The following DNAH7 variants were observed in gnomAD, a reference collection of about 807,000 sequenced individuals.
DNAH7 encodes the protein dynein axonemal heavy chain 7.
Under a neutral mutation model 444.6 loss-of-function variants are expected in DNAH7, and 397 were observed. The ratio of observed to expected loss-of-function variants is 0.89; its 90% confidence interval spans 0.82 to 0.97. DNAH7 has a LOEUF of 0.97. Among genes scored for constraint, DNAH7 ranks in the 50% least tolerant of loss-of-function variants. The probability of loss-of-function intolerance (pLI) is 0.00; values close to 1 mark genes in which losing one functional copy is unlikely to be tolerated. For missense variants in DNAH7, 4,902 were observed against 4,800.8 expected (o/e 1.02, Z -0.62); for synonymous variants, 1,636 against 1,624.4 (o/e 1.01, Z -0.17).
chr2:195,888,482 T>C, intron 32 of DNAH7, 48 bp from the exon 33 acceptor site: 1 of 1,520,872 alleles, frequency 6.6e-7, no homozygotes, highest in Non-Finnish European at 8.8e-7. Context: ...GCTTATAAAA[T>C]AAATATGATT....
At position 195,872,315 on chromosome 2, in the gene DNAH7, C is replaced by A. The variant is rs779832706; in HGVS notation, c.6568G>T (p.Val2190Phe). 6.2e-7 allele frequency: 1 copy of A among 1,613,778 alleles called. No individual in the cohort carries two copies. Among genetic ancestry groups the A allele is most frequent in the South Asian group, 1.1e-5 (1 of 91,084 alleles). Reference sequence around the variant, plus strand: ...GTTGTTTCTGGTCTTGACAAACAAACACCTTGAATGACACGGGAGAAATCA... The same window carrying A: ...GTTGTTTCTGGTCTTGACAAACAAAAACCTTGAATGACACGGGAGAAATCA... ...LRDFSRVIQG[V>F]CLSRPETTET... is the part of the protein sequence containing the mutation. Residue 2190 changes from valine to phenylalanine, a missense_variant, in exon 40 of 65, where the codon GTT becomes TTT. Physicochemically the swap from Val to Phe is conservative, Grantham distance 50. Coordinates refer to ENST00000312428, the MANE Select transcript of DNAH7 (RefSeq NM_018897.3).
chr2:195,820,295 G>T lies in DNAH7; in HGVS notation c.9292-2466C>A, dbSNP rs975669822. ...GGACATCACACACTGGGGCCTGTTG[G>T]GGGGTATGAGGCAAGGGGAGGGAGA... On this transcript the variant is annotated intron_variant, in intron 49 of 64. Transcript: ENST00000312428. Among the ~76,000 whole-genome samples the T allele has an allele frequency of 4.6e-5, 7 of 151,730 alleles. No homozygotes were observed. In the East Asian group the frequency reaches 1.2e-3, roughly 25 times the overall value.
chr2:195,952,344 C>CCT (rs1690317927), intron 19 of DNAH7, among the ~76,000 whole-genome samples: 1 of 152,164 alleles, frequency 6.6e-6, no homozygotes, highest in African/African-American at 2.4e-5. Context: ...CCCGACCTTT[C>CCT]TGGCTGCCCT....
chr2:195,860,285 C>G (rs1272274694), intron 42 of DNAH7, among the ~76,000 whole-genome samples: 1 of 151,932 alleles, frequency 6.6e-6, no homozygotes, highest in Non-Finnish European at 1.5e-5. Flanking sequence ...CAGAGTCAAA[C>G]AAAAGCCATG....
Position 195,740,886 on chromosome 2 carries a change from C to A in DNAH7, c.11765-17G>T. On this transcript the variant is annotated splice_polypyrimidine_tract_variant and intron_variant, in intron 63 of 64. Coordinates refer to ENST00000312428, the MANE Select transcript of DNAH7 (RefSeq NM_018897.3). ...TGAAAACACCTAAATATAAAAGAAA[C>A]ACATTAATATAACACTTGAAATATG... The A allele has an allele frequency of 2.8e-6, 4 of 1,435,264 alleles. No individual in the cohort carries two copies. Among genetic ancestry groups the A allele is most frequent in the South Asian group, 1.4e-5 (1 of 69,794 alleles). The allele number at this position is 1,435,264 out of a possible 1,614,324, so 88.9% of individuals were successfully genotyped here. A position where few individuals can be genotyped will look rare whatever the true frequency, so the allele number is the denominator to read the frequency against.
At chr2:195,781,613 A>G (rs898287679) in intron 58 of DNAH7, among the ~76,000 whole-genome samples, 7 of 152,146 alleles carry the variant, frequency 4.6e-5, no homozygotes, top group African/African-American at 1.4e-4. Flanking sequence ...CAGGGCTTGA[A>G]GTCAACAACT....
chr2:195,915,513 A>G (rs1442927792), intron 24 of DNAH7, among the ~76,000 whole-genome samples: 1 of 152,220 alleles, frequency 6.6e-6, no homozygotes, highest in Non-Finnish European at 1.5e-5. Flanking sequence ...AGTAGCTAAT[A>G]GGATGGTGCT....
At position 195,918,600 on chromosome 2, in the gene DNAH7, A is replaced by G. The variant is rs201315506; in HGVS notation, c.3935+3488T>C. On this transcript the variant is annotated intron_variant, in intron 24 of 64. Transcript: ENST00000312428. ...TATTATTTGTCAATAAAAGTGTGTT[A>G]TCAAGCTGCAAAAAGACATGGAGGA... is the stretch of plus-strand genomic sequence containing the variant. Among the ~76,000 whole-genome samples the G allele has an allele frequency of 2.0e-5, 3 of 152,382 alleles. No homozygotes were observed. The East Asian group carries it at 5.8e-4, about 29-fold the overall frequency.
chr2:195,764,160 A>G (rs1694468546), intron 61 of DNAH7, among the ~76,000 whole-genome samples: 1 of 152,082 alleles, frequency 6.6e-6, no homozygotes, highest in South Asian at 2.1e-4. Context: ...ATTGATACTG[A>G]AAAAGCATTT....
At chr2:196,024,873 A>G (rs1306138309) in intron 7 of DNAH7, among the ~76,000 whole-genome samples, 1 of 152,172 alleles carries the variant, frequency 6.6e-6, no homozygotes, top group African/African-American at 2.4e-5. Context: ...GAGAAAAGGT[A>G]CATACACTTG....
At chr2:195,905,842 A>C (rs956098542) in intron 27 of DNAH7, 1 of 152,110 alleles carries the variant, frequency 6.6e-6, no homozygotes, top group Non-Finnish European at 1.5e-5. Flanking sequence ...TGGGATGAAA[A>C]TCATTTCAAC....
chr2:195,941,018 C>T (rs1689397033), intron 19 of DNAH7, among the ~76,000 whole-genome samples: 1 of 152,084 alleles, frequency 6.6e-6, no homozygotes, highest in Admixed American at 6.5e-5. Context: ...AATCCCATTA[C>T]TAGGTATATA....
intron 63 of DNAH7, among the ~76,000 whole-genome samples, chr2:195,750,740 G>A (rs2105901028): frequency 6.6e-6 from 1 of 152,272 alleles, no homozygotes; most frequent in East Asian, 1.9e-4. Flanking sequence ...CTGAGCCATA[G>A]GGGTATTGTG....
At chr2:195,996,275 T>C (rs545813117) in intron 12 of DNAH7, among the ~76,000 whole-genome samples, 1 of 152,326 alleles carries the variant, frequency 6.6e-6, no homozygotes, top group African/African-American at 2.4e-5. Flanking sequence ...AAAATTTGCA[T>C]TCTGCTCTCA....
chr2:196,053,082 T>C (rs1697582364), intron 2 of DNAH7, among the ~76,000 whole-genome samples: 2 of 152,122 alleles, frequency 1.3e-5, no homozygotes, highest in African/African-American at 4.8e-5. Flanking sequence ...TCTCAGAAAC[T>C]AGTATGTACA....
intron 15 of DNAH7, among the ~76,000 whole-genome samples, chr2:195,982,862 G>A (rs1178198967): frequency 6.6e-6 from 1 of 152,132 alleles, no homozygotes; most frequent in Non-Finnish European, 1.5e-5. Context: ...GTGATGGTTA[G>A]TGGGTGCAAA....
chr2:196,035,455 A>G (rs1396830867), intron 5 of DNAH7, among the ~76,000 whole-genome samples: 1 of 152,202 alleles, frequency 6.6e-6, no homozygotes, highest in Non-Finnish European at 1.5e-5. Flanking sequence ...CTAAATGAAC[A>G]AAGGAGAAGA....
intron 21 of DNAH7, among the ~76,000 whole-genome samples, chr2:195,930,215 C>G (rs1183431350): frequency 6.6e-6 from 1 of 152,084 alleles, no homozygotes; most frequent in African/African-American, 2.4e-5. Flanking sequence ...TGGTGGCGCA[C>G]GCCTGTAGTA....
chr2:195,827,806 G>C (rs1437177096), intron 48 of DNAH7, among the ~76,000 whole-genome samples: 2 of 151,732 alleles, frequency 1.3e-5, no homozygotes, highest in African/African-American at 4.8e-5. Flanking sequence ...CAAACTCCTG[G>C]GCTCAACCAA....
Sources: gnomAD v4.1 joint callset for allele counts (sites outside exome capture counted in the v4.1 genomes callset) on GRCh38, gnomAD v4.1.1 for gene constraint, MANE v1.5 for transcripts, NCBI Gene and HGNC (gene_info 2026-07-23, HGNC 2026-07-21) for gene names.